ARHGAP22: variants seen among roughly 807,000 people sequenced by gnomAD.
ARHGAP22 encodes rho GTPase-activating protein 22.
ARHGAP22 carries 48 observed loss-of-function variants against 59.1 expected under a neutral mutation model. The observed-to-expected ratio is 0.81, with a 90% CI of 0.64 to 1.03. ARHGAP22 has a LOEUF of 1.03. ARHGAP22 is among the 50% of genes least tolerant of loss of function. ARHGAP22 has a pLI of 0.00. For missense variants in ARHGAP22, 1,015 were observed against 958.7 expected, an observed-to-expected ratio of 1.06 and a Z score of -0.78; for synonymous variants, 445 against 416.4, an observed-to-expected ratio of 1.07 and a Z score of -0.84.
chr10:48,616,187 C>T (rs2061074238), intron 1 of ARHGAP22, among the ~76,000 whole-genome samples: 1 of 152,130 alleles, frequency 6.6e-6, no homozygotes, highest in African/African-American at 2.4e-5. Flanking sequence ...TTGGTGTCAA[C>T]ATTTTTTGGC....
chr10:48,436,101 C>A, the ARHGAP22 span: 1 of 152,192 alleles, frequency 6.6e-6, no homozygotes, highest in South Asian at 2.1e-4. Flanking sequence ...TGGGAGGTTC[C>A]AAACCCTACC....
At chr10:48,637,156 A>G (rs562296261) in intron 1 of ARHGAP22, among the ~76,000 whole-genome samples, 2 of 152,350 alleles carry the variant, frequency 1.3e-5, no homozygotes, top group Admixed American at 1.3e-4. Context: ...CTGAGAGTTT[A>G]CTGCCCTGGG....
intron 2 of ARHGAP22, among the ~76,000 whole-genome samples, chr10:48,577,130 A>C (rs1283966587): frequency 6.6e-6 from 1 of 151,854 alleles, no homozygotes; most frequent in African/African-American, 2.4e-5. Context: ...TCTTCCTAGA[A>C]GTGTCAAGTT....
intron 3 of ARHGAP22, among the ~76,000 whole-genome samples, chr10:48,507,548 A>C (rs1343528397): frequency 6.6e-6 from 1 of 152,192 alleles, no homozygotes; most frequent in African/African-American, 2.4e-5. Flanking sequence ...CAACATCAAC[A>C]TAAAAGTCAA....
intron 2 of ARHGAP22, among the ~76,000 whole-genome samples, chr10:48,579,292 G>A (rs1437202390): frequency 6.6e-6 from 1 of 152,182 alleles, no homozygotes; most frequent in Non-Finnish European, 1.5e-5. Context: ...GTTCCCAACA[G>A]TGGAAATAGA....
intron 3 of ARHGAP22, among the ~76,000 whole-genome samples, chr10:48,554,992 G>A (rs1361064310): frequency 2.6e-5 from 4 of 152,234 alleles, no homozygotes; most frequent in Non-Finnish European, 4.4e-5. Context: ...AAACTTGGAA[G>A]TTTAAAATAT....
At chr10:48,540,764 A>G (rs970901072) in intron 3 of ARHGAP22, among the ~76,000 whole-genome samples, 9 of 152,060 alleles carry the variant, frequency 5.9e-5, no homozygotes, top group African/African-American at 2.2e-4. Flanking sequence ...CATGACTTTT[A>G]GCATTCTTTC....
At chr10:48,541,104 C>T (rs1478057303) in intron 3 of ARHGAP22, among the ~76,000 whole-genome samples, 1 of 152,088 alleles carries the variant, frequency 6.6e-6, no homozygotes, top group Non-Finnish European at 1.5e-5. Context: ...GATGCTGATG[C>T]AGCTGGCCCA....
intron 8 of ARHGAP22, chr10:48,451,708 C>T (rs2045976710): frequency 1.6e-6 from 1 of 622,318 alleles, no homozygotes; most frequent in Non-Finnish European, 2.9e-6. Context: ...CATCCACCCC[C>T]AAAGTCCCAC....
At chr10:48,484,642 T>C (rs2049678230) in intron 3 of ARHGAP22, among the ~76,000 whole-genome samples, 1 of 152,374 alleles carries the variant, frequency 6.6e-6, no homozygotes, top group Middle Eastern at 3.4e-3. Context: ...TAATAACAAA[T>C]ACAATTTCTT....
intron 1 of ARHGAP22, among the ~76,000 whole-genome samples, chr10:48,589,229 G>A (rs2059612419): frequency 6.6e-6 from 1 of 152,098 alleles, no homozygotes; most frequent in Non-Finnish European, 1.5e-5. Flanking sequence ...CCCTGTGGTG[G>A]CTCAGACACT....
At chr10:48,529,463 T>G (rs2054620812) in intron 3 of ARHGAP22, among the ~76,000 whole-genome samples, 1 of 152,190 alleles carries the variant, frequency 6.6e-6, no homozygotes, top group African/African-American at 2.4e-5. Flanking sequence ...CTTCTGCTTT[T>G]CCCTGTCGTC....
intron 2 of ARHGAP22, among the ~76,000 whole-genome samples, chr10:48,579,919 T>A (rs2059005191): frequency 6.6e-6 from 1 of 152,224 alleles, no homozygotes; most frequent in African/African-American, 2.4e-5. Context: ...TGTGCAAGTT[T>A]GAGATCATAC....
At chr10:48,627,326 A>G (rs1017196813) in intron 1 of ARHGAP22, among the ~76,000 whole-genome samples, 2 of 152,136 alleles carry the variant, frequency 1.3e-5, no homozygotes, top group African/African-American at 4.8e-5. Context: ...CTGGGCACCC[A>G]TTTTCATCTG....
At chr10:48,639,150 C>T (rs887617948) in intron 1 of ARHGAP22, among the ~76,000 whole-genome samples, 6 of 152,208 alleles carry the variant, frequency 3.9e-5, no homozygotes, top group Non-Finnish European at 7.3e-5. Context: ...CAGGGTGGGG[C>T]ATTGTCATGG....
At chr10:48,652,627 G>C (rs1275272988), upstream of ARHGAP22, 2 of 304,860 alleles carry the variant, frequency 6.6e-6, no homozygotes, top group African/African-American at 4.2e-5. Flanking sequence ...GGAAAGAAGG[G>C]GCTTTGTGAG....
intron 2 of ARHGAP22, chr10:48,575,638 G>A (rs1379092971): frequency 2.6e-5 from 4 of 152,168 alleles, no homozygotes; most frequent in Non-Finnish European, 5.9e-5. Flanking sequence ...CCTTATTGCT[G>A]AGCTTCCCTC....
intron 3 of ARHGAP22, among the ~76,000 whole-genome samples, chr10:48,521,534 T>C (rs2053807012): frequency 1.3e-5 from 2 of 152,248 alleles, no homozygotes; most frequent in African/African-American, 2.4e-5. Context: ...AAGAATGAAA[T>C]CAATAAGAAC....
chr10:48,446,573 C>T lies in ARHGAP22; in HGVS notation c.1915G>A (p.Glu639Lys). ...TTCTTTTCCTGGTCCAGTTCTTCTT[C>T]TAACCGGGACATTCGTTTTCTCAGG... is the stretch of plus-strand genomic sequence containing the variant. ...ADLRKRMSRL[E>K]EELDQEKKKY... The change falls in exon 10 of 10, where the codon GAA becomes AAA. Residue 639 changes from glutamate to lysine, a missense_variant. By Grantham distance (56) the Glu-to-Lys change is moderately conservative. Coordinates refer to ENST00000249601, the MANE Select transcript of ARHGAP22 (RefSeq NM_021226.4). The T allele has an allele frequency of 6.2e-7, 1 of 1,614,210 alleles. No homozygotes were observed. The highest frequency in any genetic ancestry group is 8.5e-7 in the Non-Finnish European group (1 of 1,180,034).
Sources: gnomAD v4.1 joint callset for allele counts (sites outside exome capture counted in the v4.1 genomes callset) on GRCh38, gnomAD v4.1.1 for gene constraint, MANE v1.5 for transcripts, NCBI Gene and HGNC (gene_info 2026-07-23, HGNC 2026-07-21) for gene names.